The following EYS variants were observed in gnomAD, a reference collection of about 807,000 sequenced individuals.
EYS encodes the protein protein eyes shut homolog.
A neutral mutation model predicts 282.1 loss-of-function variants in EYS; 250 were observed. The observed-to-expected ratio is 0.89, with a 90% CI of 0.80 to 0.98. The LOEUF (loss-of-function observed/expected upper bound fraction) is 0.98. EYS is among the 50% of genes least tolerant of loss of function. The pLI is 0.00. For synonymous variants in EYS, 1,355 were observed against 1,282.9 expected (o/e 1.06, Z -1.20); for missense variants, 4,016 against 3,709.0 (o/e 1.08, Z -2.15).
At chr6:65,240,790 A>C (rs1242060605) in intron 12 of EYS, among the ~76,000 whole-genome samples, 1 of 152,052 alleles carries the variant, frequency 6.6e-6, no homozygotes, top group East Asian at 1.9e-4. Context: ...TTTCCTTTGG[A>C]TATATATCCA....
chr6:65,139,536 A>G (rs1259087250), intron 12 of EYS, among the ~76,000 whole-genome samples: 3 of 152,102 alleles, frequency 2.0e-5, no homozygotes, highest in African/African-American at 7.2e-5. Flanking sequence ...CCTCCACAGC[A>G]TGCAATTCAT....
chr6:65,174,011 A>G (rs904824711), intron 12 of EYS, among the ~76,000 whole-genome samples: 15 of 151,228 alleles, frequency 9.9e-5, no homozygotes, highest in African/African-American at 3.6e-4. Context: ...GACTTCATAA[A>G]GATTGAATAA....
intron 12 of EYS, among the ~76,000 whole-genome samples, chr6:65,275,134 G>A (rs769966542): frequency 3.9e-5 from 6 of 152,090 alleles, no homozygotes; most frequent in Non-Finnish European, 8.8e-5. Flanking sequence ...TGCTCAAAAC[G>A]GCAGTGACAG....
Position 64,148,425 on chromosome 6 carries a change from A to G in EYS, c.6425-66423T>C, listed in dbSNP as rs899026853. Among the ~76,000 whole-genome samples, 4 of 152,166 alleles carry G rather than the reference A, an allele frequency of 2.6e-5. No homozygotes were observed. In the East Asian group the frequency reaches 7.7e-4, roughly 29 times the overall value. On this transcript the variant is annotated intron_variant, in intron 31 of 42. Transcript: ENST00000503581. The stretch of plus-strand genomic sequence containing the variant: ...TCTTATGTAGTACACAGTCCTTATT[A>G]CTTCTTTTCATACAGAGAGAATAGG...
Position 64,198,141 on chromosome 6 carries a change from C to T in EYS, c.6424+32451G>A, listed in dbSNP as rs533988190. 2.3e-3 allele frequency among the ~76,000 whole-genome samples: 347 copies of T among 151,406 alleles called. 2 individuals carry two copies. The highest frequency in any genetic ancestry group is 4.4e-3 in the African/African-American group (184 of 41,372). ...CCAAGTAGCCGGGACTACAGGCGCC[C>T]GCCACCACGGCCGGCCCGGCTAATT... On this transcript the variant is annotated intron_variant, in intron 31 of 42. Coordinates refer to ENST00000503581, the MANE Select transcript of EYS (RefSeq NM_001142800.2).
At chr6:65,337,618 C>A (rs1477230334) in intron 10 of EYS, among the ~76,000 whole-genome samples, 2 of 150,706 alleles carry the variant, frequency 1.3e-5, no homozygotes, top group African/African-American at 4.8e-5. Context: ...AGAATATTCT[C>A]TTTTGTTACC....
intron 12 of EYS, among the ~76,000 whole-genome samples, chr6:65,091,271 T>TAAAAAAAAAAAAAAAA (rs397887871): frequency 1.8e-5 from 1 of 56,418 alleles, no homozygotes; most frequent in Non-Finnish European, 3.3e-5. Context: ...CCATCTCCCC[T>TAAAAAAAAAAAAAAAA]AAAAAAAAAA....
intron 32 of EYS, among the ~76,000 whole-genome samples, chr6:64,072,772 A>AT (rs1051922342): frequency 2.5e-4 from 38 of 151,850 alleles, no homozygotes; most frequent in African/African-American, 8.9e-4. Flanking sequence ...ATTTCTTAAT[A>AT]TTTTTCATAA....
At chr6:64,530,930 T>G (rs1764308442) in intron 26 of EYS, among the ~76,000 whole-genome samples, 2 of 152,182 alleles carry the variant, frequency 1.3e-5, no homozygotes, top group African/African-American at 4.8e-5. Flanking sequence ...TATATTCATT[T>G]TCTGAACAAT....
chr6:64,756,485 T>C (rs1196422550), intron 22 of EYS, among the ~76,000 whole-genome samples: 3 of 152,170 alleles, frequency 2.0e-5, no homozygotes, highest in African/African-American at 7.2e-5. Context: ...ACCTTAGATA[T>C]AAGATTATTT....
chr6:64,282,939 T>C (rs1335482405), intron 30 of EYS, among the ~76,000 whole-genome samples: 1 of 152,190 alleles, frequency 6.6e-6, no homozygotes, highest in Non-Finnish European at 1.5e-5. Flanking sequence ...TCACATATAT[T>C]TAACATATAT....
At chr6:65,377,093 A>T (rs1005796934) in intron 8 of EYS, among the ~76,000 whole-genome samples, 1 of 152,192 alleles carries the variant, frequency 6.6e-6, no homozygotes, top group African/African-American at 2.4e-5. Flanking sequence ...ATCACATAGC[A>T]CTTACTCTAA....
chr6:64,401,967 A>ATATC (rs1190712038), intron 28 of EYS, among the ~76,000 whole-genome samples: 4 of 152,108 alleles, frequency 2.6e-5, no homozygotes, highest in Non-Finnish European at 4.4e-5. Flanking sequence ...TTGGTTATCT[A>ATATC]TATCTATGAC....
intron 13 of EYS, among the ~76,000 whole-genome samples, chr6:65,007,817 A>C (rs62416488): frequency 0.14 from 20,832 of 152,204 alleles, 1,550 homozygotes; most frequent in East Asian, 0.24. Context: ...AAGCAAATTA[A>C]AATAGACCTA....
chr6:63,806,214 A>G lies in EYS; in HGVS notation c.7387T>C (p.Phe2463Leu). Residue 2463 changes from phenylalanine to leucine, a missense_variant, in exon 37 of 43, where the codon TTT becomes CTT. Coordinates refer to ENST00000503581, the MANE Select transcript of EYS (RefSeq NM_001142800.2). ...CCATGGCCTTTCTGTCCAGTAAAAA[A>G]TATCAAGTTATTTTGCAGTGCTGAG... ...NHSALQNNLI[F>L]FTGQKGHGLN... 1 of 1,551,538 alleles carries G rather than the reference A, an allele frequency of 6.4e-7. No homozygotes were observed. The highest frequency in any genetic ancestry group is 8.7e-7 in the Non-Finnish European group (1 of 1,146,860).
At chr6:65,152,469 A>G (rs905934567) in intron 12 of EYS, among the ~76,000 whole-genome samples, 7 of 151,930 alleles carry the variant, frequency 4.6e-5, no homozygotes, top group African/African-American at 1.4e-4. Flanking sequence ...GGAACTTTCT[A>G]CAAATACAGA....
At chr6:63,800,162 A>T (rs543415552) in intron 37 of EYS, among the ~76,000 whole-genome samples, 36 of 152,312 alleles carry the variant, frequency 2.4e-4, no homozygotes, top group African/African-American at 8.4e-4. Flanking sequence ...CACGTTTTCT[A>T]TCACTTACGT....
chr6:65,012,696 T>G (rs957750305), intron 13 of EYS, among the ~76,000 whole-genome samples: 1 of 151,606 alleles, frequency 6.6e-6, no homozygotes, highest in African/African-American at 2.4e-5. Flanking sequence ...CTGCTGAGGA[T>G]ATCAGCAATC....
intron 22 of EYS, among the ~76,000 whole-genome samples, chr6:64,692,849 T>C (rs1204737087): frequency 6.6e-6 from 1 of 152,046 alleles, no homozygotes; most frequent in East Asian, 1.9e-4. Flanking sequence ...TATTGATCTA[T>C]ATGTCCGTTT....
Sources: allele counts gnomAD v4.1 joint callset (sites outside exome capture counted in the v4.1 genomes callset), GRCh38; gene constraint gnomAD v4.1.1; transcripts MANE v1.5; gene names NCBI Gene and HGNC (gene_info 2026-07-23, HGNC 2026-07-21).